KYNU: variants seen among roughly 807,000 people sequenced by gnomAD.
KYNU encodes kynureninase.
In KYNU, 54 loss-of-function variants were observed where a neutral mutation model predicts 59.2. The ratio of observed to expected loss-of-function variants is 0.91; its 90% CI spans 0.73 to 1.14. KYNU has a LOEUF of 1.14. Among genes scored for constraint, KYNU ranks in the 50% most tolerant of loss-of-function variants. The pLI is 0.00. For missense variants in KYNU, 567 were observed against 554.4 expected (o/e 1.02, Z -0.23); for synonymous variants, 177 against 192.0 (o/e 0.92, Z 0.65).
At position 143,042,775 on chromosome 2, in the gene KYNU, T is replaced by G. The variant is rs1051661674; in HGVS notation, c.*603T>G. ...ATTTATGTGAATATATGAGAAATAT[T>G]ATTGATTCTAAGATATTTTATCATA... On this transcript the variant is annotated 3_prime_UTR_variant, in exon 14 of 14. Transcript: ENST00000264170. The G allele has an allele frequency of 1.9e-4, 28 of 151,170 alleles. No homozygotes were observed. The highest frequency in any genetic ancestry group is 3.3e-4 in the Admixed American group (5 of 15,116). 9.4% of individuals were successfully genotyped at this position (151,170 alleles called of 1,614,324 possible).
At chr2:142,946,554 T>G (rs541738349) in intron 4 of KYNU, among the ~76,000 whole-genome samples, 47 of 152,334 alleles carry the variant, frequency 3.1e-4, no homozygotes, top group African/African-American at 1.1e-3. Flanking sequence ...ATATTTCTTT[T>G]TCTGAGCATT....
chr2:142,943,021 C>A (rs1683652105), intron 4 of KYNU, among the ~76,000 whole-genome samples: 1 of 152,014 alleles, frequency 6.6e-6, no homozygotes, highest in African/African-American at 2.4e-5. Context: ...ATGCTTGAGC[C>A]CACTCACCCA....
intron 8 of KYNU, among the ~76,000 whole-genome samples, chr2:142,970,290 G>A (rs895764881): frequency 1.3e-5 from 2 of 152,178 alleles, no homozygotes. Context: ...TCATCATATT[G>A]TCTATAAAAC....
intron 4 of KYNU, among the ~76,000 whole-genome samples, chr2:142,932,830 T>A (rs1683271194): frequency 6.6e-6 from 1 of 152,104 alleles, no homozygotes; most frequent in South Asian, 2.1e-4. Context: ...AGCTGCCGTC[T>A]ACAAACCAAG....
At chr2:142,992,149 A>G (rs1475402324) in intron 10 of KYNU, among the ~76,000 whole-genome samples, 1 of 151,928 alleles carries the variant, frequency 6.6e-6, no homozygotes, top group Non-Finnish European at 1.5e-5. Flanking sequence ...GTGAATTTGG[A>G]AAACTCCTGA....
Position 143,042,184 on chromosome 2 carries a change from A to G in KYNU, c.*12A>G, listed in dbSNP as rs1033137780. 1 of 1,606,840 alleles carries G rather than the reference A, an allele frequency of 6.2e-7. No individual in the cohort carries two copies. The highest frequency in any genetic ancestry group is 8.5e-7 in the Non-Finnish European group (1 of 1,177,370). On this transcript the variant is annotated 3_prime_UTR_variant, in exon 14 of 14. Transcript: ENST00000264170. Reference sequence around the variant, plus strand: ...AAACAAAAAATTAGCAGTGTTTTCTAGAACAACTTAAGCAAATTATACTGA... The same window carrying G: ...AAACAAAAAATTAGCAGTGTTTTCTGGAACAACTTAAGCAAATTATACTGA...
intron 4 of KYNU, among the ~76,000 whole-genome samples, chr2:142,942,154 G>C (rs1348482688): frequency 1.5e-5 from 2 of 134,968 alleles, no homozygotes; most frequent in Admixed American, 1.6e-4. Flanking sequence ...TACATCCTGG[G>C]TGACAGAAAA....
At chr2:142,986,893 G>A (rs973150538) in intron 10 of KYNU, among the ~76,000 whole-genome samples, 3 of 151,836 alleles carry the variant, frequency 2.0e-5, no homozygotes, top group Admixed American at 6.6e-5. Context: ...AGGCTTTGGA[G>A]CACCTCACAT....
At chr2:142,993,829 A>C (rs1407570768) in intron 10 of KYNU, among the ~76,000 whole-genome samples, 1 of 152,048 alleles carries the variant, frequency 6.6e-6, no homozygotes, top group Non-Finnish European at 1.5e-5. Flanking sequence ...ATAAAAACAT[A>C]CATTAAAGCT....
intron 10 of KYNU, among the ~76,000 whole-genome samples, chr2:143,006,526 A>ATG (rs1685905579): frequency 1.2e-5 from 1 of 82,720 alleles, no homozygotes; most frequent in Non-Finnish European, 2.4e-5. Flanking sequence ...CAAAGCAGCC[A>ATG]GGAAGCTCAA....
chr2:142,904,410 T>C (rs1026424775), intron 2 of KYNU, among the ~76,000 whole-genome samples: 27 of 152,318 alleles, frequency 1.8e-4, no homozygotes, highest in African/African-American at 6.0e-4. Context: ...TTTTCCTCTG[T>C]TGTCATCCTA....
intron 2 of KYNU, among the ~76,000 whole-genome samples, chr2:142,899,617 G>T (rs1347443024): frequency 6.7e-6 from 1 of 149,998 alleles, no homozygotes; most frequent in Non-Finnish European, 1.5e-5. Context: ...CAGGAGGAGT[G>T]CCTTTGATGT....
Position 143,045,003 on chromosome 2 carries a change from T to C in KYNU, c.*2831T>C, listed in dbSNP as rs1436576144. 1 of 152,100 alleles carries C rather than the reference T, an allele frequency of 6.6e-6. No individual in the cohort carries two copies. Among genetic ancestry groups the C allele is most frequent in the Non-Finnish European group, 1.5e-5 (1 of 68,012 alleles). 9.4% of individuals were successfully genotyped at this position (152,100 alleles called of 1,614,324 possible). On this transcript the variant is annotated 3_prime_UTR_variant, in exon 14 of 14. Coordinates refer to ENST00000264170, the MANE Select transcript of KYNU (RefSeq NM_003937.3). ...AGTCTTTAATCTATCTTGAGTTAAT[T>C]TTTGTATAAGATATAAGAAAGGGGT...
At chr2:143,006,386 A>G (rs1176262718) in intron 10 of KYNU, among the ~76,000 whole-genome samples, 7 of 151,722 alleles carry the variant, frequency 4.6e-5, no homozygotes, top group Admixed American at 3.3e-4. Flanking sequence ...TATATCCCAC[A>G]CCTGGCTCGG....
At chr2:142,973,491 T>C (rs1255484669) in intron 8 of KYNU, among the ~76,000 whole-genome samples, 2 of 152,124 alleles carry the variant, frequency 1.3e-5, no homozygotes, top group African/African-American at 4.8e-5. Context: ...TCTTAGGCAG[T>C]TGCTCCATTG....
intron 2 of KYNU, among the ~76,000 whole-genome samples, chr2:142,906,350 G>A (rs1682296804): frequency 1.3e-5 from 2 of 152,200 alleles, no homozygotes; most frequent in African/African-American, 4.8e-5. Flanking sequence ...ATTGTGGGGT[G>A]GTGGGTCGGG....
At chr2:142,908,765 G>A (rs1398307100) in intron 2 of KYNU, among the ~76,000 whole-genome samples, 1 of 151,960 alleles carries the variant, frequency 6.6e-6, no homozygotes, top group Admixed American at 6.6e-5. Context: ...CTCCTGAGTA[G>A]CTGGGAACAC....
At position 143,048,335 on chromosome 2, in the gene KYNU, A is replaced by G. The variant is rs1687203326; in HGVS notation, c.*6163A>G. On this transcript the variant is annotated 3_prime_UTR_variant, in exon 14 of 14. Transcript: ENST00000264170. ...AATATAATGAAGTTTAGAATTAGCC[A>G]TTTTTTATAACTCTCCTTCTGACTA... The G allele has an allele frequency of 6.6e-6, 1 of 152,136 alleles. No homozygotes were observed. The highest frequency in any genetic ancestry group is 1.5e-5 in the Non-Finnish European group (1 of 68,026). 9.4% of individuals were successfully genotyped at this position (152,136 alleles called of 1,614,324 possible).
chr2:143,048,099 C>T lies in KYNU; in HGVS notation c.*5927C>T, dbSNP rs1687197843. 1 of 152,134 alleles carries T rather than the reference C, an allele frequency of 6.6e-6. No homozygotes were observed. 9.4% of individuals were successfully genotyped at this position (152,134 alleles called of 1,614,324 possible). The stretch of plus-strand genomic sequence containing the variant: ...ACTTCAGGTGATCCGCCCACTTTGA[C>T]CTTCCAAAATGCTGGGATTACGTGT... On this transcript the variant is annotated 3_prime_UTR_variant, in exon 14 of 14. Coordinates refer to ENST00000264170, the MANE Select transcript of KYNU (RefSeq NM_003937.3).
Sources: gnomAD v4.1 joint callset for allele counts (sites outside exome capture counted in the v4.1 genomes callset) on GRCh38, gnomAD v4.1.1 for gene constraint, MANE v1.5 for transcripts, NCBI Gene and HGNC (gene_info 2026-07-23, HGNC 2026-07-21) for gene names.